The following IL20RB variants were observed in gnomAD, a reference collection of about 807,000 sequenced individuals.
IL20RB encodes the protein interleukin-20 receptor subunit beta.
In IL20RB, 21 loss-of-function variants were observed where a neutral mutation model predicts 33.3. That is an observed-to-expected ratio of 0.63 (90% confidence interval 0.45 to 0.91). The LOEUF (loss-of-function observed/expected upper bound fraction) is 0.91, where lower values mean the gene tolerates loss of function less well. Ranked by LOEUF, IL20RB falls within the 40% of genes least tolerant of loss-of-function variation. The pLI is 0.00. For synonymous variants in IL20RB, 147 were observed against 146.8 expected (o/e 1.00, Z -0.01); for missense variants, 345 against 384.8 (o/e 0.90, Z 0.86).
intron 1 of IL20RB, among the ~76,000 whole-genome samples, chr3:136,958,803 T>C (rs12054408): frequency 0.46 from 70,497 of 151,946 alleles, 16,863 homozygotes; most frequent in East Asian, 0.7. Context: ...ATTGGAACTC[T>C]GTAGCCTTTG....
intron 3 of IL20RB, among the ~76,000 whole-genome samples, chr3:136,988,963 A>G (rs758509516): frequency 5.3e-5 from 8 of 152,078 alleles, no homozygotes; most frequent in Non-Finnish European, 1.0e-4. Context: ...CTGGCTGTTC[A>G]GTATAGACCT....
At chr3:136,979,103 C>T (rs1436338785) in intron 1 of IL20RB, among the ~76,000 whole-genome samples, 1 of 152,122 alleles carries the variant, frequency 6.6e-6, no homozygotes, top group Admixed American at 6.5e-5. Flanking sequence ...GGGGACCATT[C>T]CTTGTCCTCC....
At chr3:136,986,018 G>A (rs1315197401) in intron 3 of IL20RB, among the ~76,000 whole-genome samples, 2 of 152,124 alleles carry the variant, frequency 1.3e-5, no homozygotes, top group African/African-American at 4.8e-5. Flanking sequence ...CACTTTGGGA[G>A]GCCAAAGCCA....
intron 1 of IL20RB, among the ~76,000 whole-genome samples, chr3:136,978,197 G>C (rs1330393676): frequency 1.2e-4 from 16 of 136,726 alleles, no homozygotes; most frequent in African/African-American, 3.8e-4. Flanking sequence ...ATGGAGTCTT[G>C]CTCTGTCACC....
intron 4 of IL20RB, among the ~76,000 whole-genome samples, chr3:136,990,328 T>C (rs773564736): frequency 6.6e-5 from 10 of 152,106 alleles, no homozygotes; most frequent in Non-Finnish European, 1.3e-4. Context: ...TAAGGAGCTC[T>C]CACAGATCTA....
chr3:136,989,717 C>T (rs564712352), intron 4 of IL20RB, 152 bp downstream of exon 4: 15 of 769,182 alleles, frequency 2.0e-5, no homozygotes, highest in Middle Eastern at 3.9e-4. Context: ...TGCTGACCAC[C>T]CCATCAGCCT....
intron 5 of IL20RB, among the ~76,000 whole-genome samples, chr3:136,994,762 G>T (rs150659873): frequency 6.6e-6 from 1 of 152,228 alleles, no homozygotes; most frequent in East Asian, 1.9e-4. Context: ...GTCCTACCTG[G>T]GTAACCTGGG....
At chr3:136,995,215 T>C (rs1441859825) in intron 5 of IL20RB, among the ~76,000 whole-genome samples, 199 bp from the exon 6 acceptor site, 1 of 152,266 alleles carries the variant, frequency 6.6e-6, no homozygotes, top group Non-Finnish European at 1.5e-5. Flanking sequence ...CTGGAAACCA[T>C]GCCTTCATCT....
chr3:136,989,723 A>C (rs1032790527), intron 4 of IL20RB, among the ~76,000 whole-genome samples, 158 bp downstream of exon 4: 1 of 152,214 alleles, frequency 6.6e-6, no homozygotes, highest in African/African-American at 2.4e-5. Flanking sequence ...CCACCCCATC[A>C]GCCTCTTCTC....
intron 6 of IL20RB, 71 bp downstream of exon 6, chr3:136,995,627 G>A (rs1022496875): frequency 3.0e-5 from 43 of 1,432,990 alleles, no homozygotes; most frequent in South Asian, 1.7e-4. Flanking sequence ...AGCTGGGCAT[G>A]GGCACATGTT....
intron 6 of IL20RB, among the ~76,000 whole-genome samples, chr3:136,998,056 C>T (rs1942165825): frequency 6.6e-6 from 1 of 151,900 alleles, no homozygotes; most frequent in South Asian, 2.1e-4. Context: ...AGGTGTGAGC[C>T]ACTGTGCCTG....
intron 1 of IL20RB, among the ~76,000 whole-genome samples, chr3:136,958,645 T>G (rs530324739): frequency 6.6e-6 from 1 of 152,256 alleles, no homozygotes; most frequent in Non-Finnish European, 1.5e-5. Flanking sequence ...TTATAAAAAT[T>G]GGATTTCTCT....
At chr3:136,990,649 CA>C (rs1456917111) in intron 4 of IL20RB, among the ~76,000 whole-genome samples, 3 of 152,210 alleles carry the variant, frequency 2.0e-5, no homozygotes, top group African/African-American at 7.2e-5. Context: ...GGCCAAGCTT[CA>C]GGGGTTGCTG....
intron 1 of IL20RB, 110 bp downstream of exon 1, chr3:136,958,311 A>C: frequency 1.6e-6 from 1 of 635,128 alleles, no homozygotes; most frequent in Non-Finnish European, 2.8e-6. Context: ...AGAATATCGT[A>C]TATCTGTTTT....
intron 3 of IL20RB, among the ~76,000 whole-genome samples, chr3:136,983,146 G>C (rs575975837): frequency 3.9e-5 from 6 of 152,012 alleles, no homozygotes; most frequent in East Asian, 3.9e-4. Context: ...GGTGTGCAGT[G>C]GCGTGATCTC....
intron 1 of IL20RB, among the ~76,000 whole-genome samples, chr3:136,969,807 C>T (rs146942370): frequency 2.4e-4 from 37 of 152,224 alleles, no homozygotes; most frequent in African/African-American, 8.7e-4. Flanking sequence ...CTTGTCATCT[C>T]ATCCTCTTAA....
At chr3:136,985,576 A>T (rs1157122883) in intron 3 of IL20RB, among the ~76,000 whole-genome samples, 2 of 152,020 alleles carry the variant, frequency 1.3e-5, no homozygotes, top group Non-Finnish European at 2.9e-5. Context: ...ACCTCAGGTG[A>T]TCCGCCCACC....
chr3:136,973,426 G>C (rs1342355967), intron 1 of IL20RB, among the ~76,000 whole-genome samples: 1 of 151,994 alleles, frequency 6.6e-6, no homozygotes, highest in Non-Finnish European at 1.5e-5. Context: ...AGGAGGCGGA[G>C]GTTGCAGTGA....
chr3:137,009,322 A>C (rs1262417598), intron 6 of IL20RB, among the ~76,000 whole-genome samples: 2 of 152,172 alleles, frequency 1.3e-5, no homozygotes, highest in African/African-American at 4.8e-5. Flanking sequence ...GGGAGAGTCC[A>C]CCTGAAAAGT....
Sources: gnomAD v4.1 joint callset for allele counts (sites outside exome capture counted in the v4.1 genomes callset) on GRCh38, gnomAD v4.1.1 for gene constraint, MANE v1.5 for transcripts, NCBI Gene and HGNC (gene_info 2026-07-23, HGNC 2026-07-21) for gene names.